DHDDS: variants seen among roughly 807,000 people sequenced by gnomAD.
The protein encoded by DHDDS is dehydrodolichyl diphosphate synthase complex subunit DHDDS.
DHDDS carries 16 observed loss-of-function variants against 46.2 expected under a neutral mutation model. That is an observed-to-expected ratio of 0.35 (90% CI 0.23 to 0.53). The LOEUF is 0.53. DHDDS is among the 20% of genes least tolerant of loss of function. The pLI is 0.94. For missense variants in DHDDS, 340 were observed against 423.7 expected, an observed-to-expected ratio of 0.80 and a Z score of 1.73; for synonymous variants, 151 against 163.1, an observed-to-expected ratio of 0.93 and a Z score of 0.56.
At chr1:26,438,618 A>G (rs918520926) in intron 3 of DHDDS, 5 of 321,120 alleles carry the variant, frequency 1.6e-5, no homozygotes, top group African/African-American at 8.6e-5. Context: ...CCAGCTACTC[A>G]GGAGGCTGAG....
At chr1:26,432,428 G>A in intron 1 of DHDDS, 52 bp downstream of exon 1, 1 of 167,912 alleles carries the variant, frequency 6.0e-6, no homozygotes. Flanking sequence ...GACTGGGCGG[G>A]GAGCAGCTGC....
At chr1:26,438,469 A>G (rs961793830) in intron 3 of DHDDS, 185 bp downstream of exon 3, 2 of 594,994 alleles carry the variant, frequency 3.4e-6, no homozygotes, top group African/African-American at 3.7e-5. Context: ...TTTTGCCTCT[A>G]ATCCCACACT....
intron 7 of DHDDS, 72 bp downstream of exon 7, chr1:26,457,977 T>A: frequency 7.3e-7 from 1 of 1,372,436 alleles, no homozygotes; most frequent in Non-Finnish European, 1.0e-6. Context: ...TGGATCAGAG[T>A]GGTCCATCCC....
chr1:26,445,394 T>C (rs1334729343), intron 4 of DHDDS, among the ~76,000 whole-genome samples: 2 of 152,092 alleles, frequency 1.3e-5, no homozygotes, highest in Non-Finnish European at 2.9e-5. Context: ...AAAGGACACA[T>C]GAGGTCGTGT....
At position 26,469,774 on chromosome 1, in the gene DHDDS, C is replaced by G. The variant is rs1458729331; in HGVS notation, c.*643C>G. 6.3e-6 allele frequency: 1 copy of G among 158,794 alleles called. No individual in the cohort carries two copies. Among genetic ancestry groups the G allele is most frequent in the Non-Finnish European group, 1.4e-5 (1 of 71,416 alleles). The allele number at this position is 158,794 out of a possible 1,614,324, so 9.8% of individuals were successfully genotyped here. A position where few individuals can be genotyped will look rare whatever the true frequency, so the allele number is the denominator to read the frequency against. On this transcript the variant is annotated 3_prime_UTR_variant, in exon 9 of 9. Coordinates refer to ENST00000236342, the MANE Select transcript of DHDDS (RefSeq NM_205861.3). ...TGCGCGGAAGCCAGGCGGGCGATTA[C>G]AATCCAATTACCTATTGTCGACTCA...
chr1:26,454,244 C>T (rs1212249168), intron 6 of DHDDS, among the ~76,000 whole-genome samples: 10 of 152,138 alleles, frequency 6.6e-5, no homozygotes, highest in African/African-American at 2.2e-4. Context: ...TGAGCCACCG[C>T]GCCTGGCCAA....
intron 8 of DHDDS, among the ~76,000 whole-genome samples, chr1:26,463,786 G>A (rs189016177): frequency 9.2e-5 from 14 of 151,862 alleles, no homozygotes; most frequent in South Asian, 2.1e-4. Flanking sequence ...GATTACAGGC[G>A]TGAACCACCG....
intron 5 of DHDDS, among the ~76,000 whole-genome samples, chr1:26,446,705 TGTGG>T (rs572088329): frequency 1.5e-4 from 22 of 150,496 alleles, no homozygotes; most frequent in African/African-American, 5.0e-4. Flanking sequence ...TGTGTGTGTG[TGTGG>T]GTGTGTTTTT....
intron 6 of DHDDS, among the ~76,000 whole-genome samples, chr1:26,454,147 G>A (rs912569069): frequency 6.6e-6 from 1 of 152,092 alleles, no homozygotes; most frequent in Admixed American, 6.6e-5. Flanking sequence ...TAGAGACAGG[G>A]TTTCATCGTG....
chr1:26,454,316 T>C (rs1369671141), intron 6 of DHDDS, among the ~76,000 whole-genome samples: 10 of 152,108 alleles, frequency 6.6e-5, no homozygotes, highest in Admixed American at 6.6e-4. Flanking sequence ...ACTGGCACAA[T>C]ATCAGCTTTT....
At chr1:26,451,404 ATGTGTGTGTG>A (rs35376620) in intron 6 of DHDDS, among the ~76,000 whole-genome samples, 33,824 of 135,806 alleles carry the variant, frequency 0.25, 4,466 homozygotes, top group East Asian at 0.57. Flanking sequence ...ATGTATGTAG[ATGTGTGTGTG>A]TGTGTGTGTG....
At chr1:26,465,168 A>T (rs571723408) in intron 8 of DHDDS, among the ~76,000 whole-genome samples, 1 of 152,182 alleles carries the variant, frequency 6.6e-6, no homozygotes, top group Non-Finnish European at 1.5e-5. Flanking sequence ...TCACTGATGG[A>T]GATGAGTAAA....
chr1:26,446,521 G>A (rs1025461327), intron 5 of DHDDS, 89 bp downstream of exon 5: 50 of 1,284,504 alleles, frequency 3.9e-5, no homozygotes, highest in Admixed American at 8.5e-5. Flanking sequence ...TCCTTGGTCT[G>A]GATTGGTGCA....
In DHDDS at chr1:26,454,782, T is replaced by G. The variant is rs2075355369; in HGVS notation, c.543-3009T>G. 7 of 1,578,440 alleles carry G rather than the reference T, an allele frequency of 4.4e-6. No individual in the cohort carries two copies. The Admixed American group carries it at 1.2e-4, about 26-fold the overall frequency. ...CAGGGAGAGCTCATGGATGGGTTAA[T>G]CCAACCATGAGCTCTGTAGGTCCAG... On this transcript the variant is annotated intron_variant, in intron 6 of 8. Coordinates refer to ENST00000236342, the MANE Select transcript of DHDDS (RefSeq NM_205861.3).
At chr1:26,468,724 G>A (rs1021443436) in intron 8 of DHDDS, among the ~76,000 whole-genome samples, 171 bp from the exon 9 acceptor site, 13 of 152,134 alleles carry the variant, frequency 8.5e-5, no homozygotes, top group Non-Finnish European at 1.9e-4. Context: ...TGTACAACAT[G>A]AGCACCACCC....
chr1:26,458,832 ACTGATGGG>A (rs1196618188), intron 7 of DHDDS, among the ~76,000 whole-genome samples: 1 of 151,866 alleles, frequency 6.6e-6, no homozygotes, highest in Non-Finnish European at 1.5e-5. Flanking sequence ...TGGGAAGTTT[ACTGATGGG>A]CTGAATTTTA....
chr1:26,444,368 A>G (rs2075248714), intron 4 of DHDDS, among the ~76,000 whole-genome samples: 1 of 152,138 alleles, frequency 6.6e-6, no homozygotes, highest in South Asian at 2.1e-4. Flanking sequence ...TGATTTGAAG[A>G]AAGGGTTCTT....
chr1:26,446,500 G>T lies in DHDDS; in HGVS notation c.440+68G>T, dbSNP rs757838835. On this transcript the variant is annotated intron_variant, in intron 5 of 8. Transcript: ENST00000236342. ...GATTCCCTGCTGGCTTTAGGGAGAC[G>T]TCCTGGGCTTTCCTTGGTCTGGATT... is the stretch of plus-strand genomic sequence containing the variant. 4 of 1,467,208 alleles carry T rather than the reference G, an allele frequency of 2.7e-6. No individual in the cohort carries two copies. The East Asian group carries it at 9.1e-5, about 33-fold the overall frequency. 90.9% of individuals were successfully genotyped at this position (1,467,208 alleles called of 1,614,324 possible). A position where few individuals can be genotyped will look rare whatever the true frequency, so the allele number is the denominator to read the frequency against.
At chr1:26,452,665 A>C (rs1167737040) in intron 6 of DHDDS, among the ~76,000 whole-genome samples, 1 of 152,234 alleles carries the variant, frequency 6.6e-6, no homozygotes. Context: ...CATGGAGAGG[A>C]AAAGTAACTT....
Sources: allele counts gnomAD v4.1 joint callset (sites outside exome capture counted in the v4.1 genomes callset), GRCh38; gene constraint gnomAD v4.1.1; transcripts MANE v1.5; gene names NCBI Gene and HGNC (gene_info 2026-07-23, HGNC 2026-07-21).